The following ZMYM4 variants were observed in gnomAD, a reference collection of about 807,000 sequenced individuals.
ZMYM4 encodes zinc finger MYM-type containing 4.
A neutral mutation model predicts 183.2 loss-of-function variants in ZMYM4; 31 were observed. That is an observed-to-expected ratio of 0.17 (90% CI 0.13 to 0.23). The LOEUF is 0.23. Among genes scored for constraint, ZMYM4 ranks in the 10% least tolerant of loss-of-function variants. The pLI, the probability that ZMYM4 is intolerant of heterozygous loss-of-function variation, is 1.00. For missense variants in ZMYM4, 1,273 were observed against 1,840.3 expected (o/e 0.69, Z 5.64); for synonymous variants, 592 against 631.2 (o/e 0.94, Z 0.93).
At chr1:35,401,201 G>T (rs886456772) in intron 23 of ZMYM4, among the ~76,000 whole-genome samples, 2 of 152,212 alleles carry the variant, frequency 1.3e-5, no homozygotes, top group Admixed American at 1.3e-4. Context: ...TAAGAAAGCT[G>T]CCAGACTGTT....
At chr1:35,320,020 CAAAT>C (rs1468532294) in intron 1 of ZMYM4, among the ~76,000 whole-genome samples, 1 of 152,110 alleles carries the variant, frequency 6.6e-6, no homozygotes, top group African/African-American at 2.4e-5. Flanking sequence ...AAATACAGAA[CAAAT>C]AAAAATATCT....
At chr1:35,354,631 G>C (rs1643747312) in intron 2 of ZMYM4, among the ~76,000 whole-genome samples, 1 of 151,010 alleles carries the variant, frequency 6.6e-6, no homozygotes, top group African/African-American at 2.4e-5. Flanking sequence ...GGAGGCTGAG[G>C]CAGGAGAATC....
chr1:35,346,119 CTTTTT>C (rs1643382626), intron 2 of ZMYM4, among the ~76,000 whole-genome samples: 1 of 152,168 alleles, frequency 6.6e-6, no homozygotes, highest in Non-Finnish European at 1.5e-5. Flanking sequence ...GAATTCCTTT[CTTTTT>C]AAGGCTGAAT....
Position 35,381,314 on chromosome 1 carries a change from A to AAGG in ZMYM4, c.1237_1238insAGG (p.Ser413delinsLysGly), listed in dbSNP as rs1417164379. 58 of 1,613,320 alleles carry AAGG rather than the reference A, an allele frequency of 3.6e-5. No homozygotes were observed. Among genetic ancestry groups the AAGG allele is most frequent in the Non-Finnish European group, 4.7e-5 (55 of 1,179,658 alleles). On this transcript the variant is annotated protein_altering_variant, in exon 8 of 30. Coordinates refer to ENST00000314607, the MANE Select transcript of ZMYM4 (RefSeq NM_005095.3). ...TGCCCAGTTTGAAAACACCACCACTAGTAAAGATTTTTGCAGTCAGTCATG... is the reference window on the plus strand; with the variant it reads ...TGCCCAGTTTGAAAACACCACCACTAAGGGTAAAGATTTTTGCAGTCAGTCATG...
intron 13 of ZMYM4, 40 bp from the exon 14 acceptor site, chr1:35,388,870 A>G: frequency 1.9e-6 from 3 of 1,597,722 alleles, no homozygotes; most frequent in Non-Finnish European, 2.6e-6. Context: ...GAAAACTAAT[A>G]CTTCTACCTA....
At chr1:35,381,800 G>T in intron 9 of ZMYM4, 42 bp downstream of exon 9, 1 of 1,592,784 alleles carries the variant, frequency 6.3e-7, no homozygotes. Context: ...GTTCAGTTCA[G>T]GTAATCTGTA....
intron 1 of ZMYM4, among the ~76,000 whole-genome samples, chr1:35,309,291 A>T (rs1641686290): frequency 6.6e-6 from 1 of 152,200 alleles, no homozygotes; most frequent in South Asian, 2.1e-4. Flanking sequence ...TTTCTTTGAC[A>T]TAGACCGAAA....
At position 35,386,859 on chromosome 1, in the gene ZMYM4, A is replaced by T. The variant is rs111704945; in HGVS notation, c.1837-144A>T. On this transcript the variant is annotated intron_variant, in intron 11 of 29. Transcript: ENST00000314607. Reference sequence around the variant, plus strand: ...ATAAATGAGACTCCCCCCATTCCGTAATAAGCTGCTCAGAGGCAGGAACAT... The same window carrying T: ...ATAAATGAGACTCCCCCCATTCCGTTATAAGCTGCTCAGAGGCAGGAACAT... 6.0e-5 allele frequency: 49 copies of T among 816,334 alleles called. 2 individuals are homozygous for T. Among genetic ancestry groups the T allele is most frequent in the African/African-American group, 4.1e-4 (24 of 57,928 alleles). 50.6% of individuals were successfully genotyped at this position (816,334 alleles called of 1,614,324 possible).
intron 2 of ZMYM4, among the ~76,000 whole-genome samples, chr1:35,326,106 A>G (rs1642493067): frequency 6.6e-6 from 1 of 152,128 alleles, no homozygotes; most frequent in Non-Finnish European, 1.5e-5. Flanking sequence ...TGTTGTTGAT[A>G]TGTTCTTGGA....
In ZMYM4 at chr1:35,419,456, T is replaced by TC. The variant is rs778051094; in HGVS notation, c.4440-10dup. 57 of 1,601,950 alleles carry TC rather than the reference T, an allele frequency of 3.6e-5. No homozygotes were observed. Among genetic ancestry groups the TC allele is most frequent in the Non-Finnish European group, 4.3e-5 (50 of 1,175,252 alleles). ...ATTTTCTTTTTTCTCTTTTTTTTTT[T>TC]CCCCTGTGGATAGTTCTGAAAGTGT... On this transcript the variant is annotated splice_polypyrimidine_tract_variant and intron_variant, in intron 29 of 29. Transcript: ENST00000314607.
At chr1:35,273,721 T>C (rs1454902118) in intron 1 of ZMYM4, among the ~76,000 whole-genome samples, 3 of 152,202 alleles carry the variant, frequency 2.0e-5, no homozygotes, top group Non-Finnish European at 4.4e-5. Context: ...TTTGTGTCTG[T>C]ATATGCTTGT....
intron 7 of ZMYM4, among the ~76,000 whole-genome samples, chr1:35,374,215 G>A (rs1171901321): frequency 6.6e-6 from 1 of 151,238 alleles, no homozygotes; most frequent in African/African-American, 2.4e-5. Flanking sequence ...TGTATTTTTA[G>A]TAGAGATGGG....
In ZMYM4 at chr1:35,282,980, G is replaced by GTTTTT. The variant is rs775211352; in HGVS notation, c.39+13927_39+13931dup. Among the ~76,000 whole-genome samples, 66 of 26,260 alleles carry GTTTTT rather than the reference G, an allele frequency of 2.5e-3. 29 individuals are homozygous for GTTTTT. The highest frequency in any genetic ancestry group is 5.8e-3 in the Non-Finnish European group (50 of 8,634). The allele number at this position is 26,260 out of a possible 152,430, so 17.2% of individuals were successfully genotyped here. ...ATACTTGTTGTTTTCTGTGTGTGTG[G>GTTTTT]TTTTTTTTTTTTTTTTTTTTTTTTT... On this transcript the variant is annotated intron_variant, in intron 1 of 29. Coordinates refer to ENST00000314607, the MANE Select transcript of ZMYM4 (RefSeq NM_005095.3).
chr1:35,297,142 G>A lies in ZMYM4; in HGVS notation c.39+28057G>A, dbSNP rs146011791. On this transcript the variant is annotated intron_variant, in intron 1 of 29. Coordinates refer to ENST00000314607, the MANE Select transcript of ZMYM4 (RefSeq NM_005095.3). ...TGGGATTACAAGCGTGAGGCACCGC[G>A]CCCAGCCTGCTCTTACTTTTTCTTT... is the stretch of plus-strand genomic sequence containing the variant. Among the ~76,000 whole-genome samples, 102 of 152,032 alleles carry A rather than the reference G, an allele frequency of 6.7e-4. 1 individual carries two copies. The highest frequency in any genetic ancestry group is 2.2e-3 in the African/African-American group (93 of 41,514).
Position 35,334,258 on chromosome 1 carries a change from A to G in ZMYM4, c.85+8853A>G, listed in dbSNP as rs566581384. 9.2e-5 allele frequency among the ~76,000 whole-genome samples: 14 copies of G among 152,272 alleles called. No homozygotes were observed. The South Asian group carries it at 1.2e-3, about 14-fold the overall frequency. ...TGCTTGAGCCCGGGAGTTCGAGGCTATAGTGAACTATGATTATGCCACTGC... is the reference window on the plus strand; with the variant it reads ...TGCTTGAGCCCGGGAGTTCGAGGCTGTAGTGAACTATGATTATGCCACTGC... On this transcript the variant is annotated intron_variant, in intron 2 of 29. Coordinates refer to ENST00000314607, the MANE Select transcript of ZMYM4 (RefSeq NM_005095.3).
At chr1:35,368,061 G>GGCCCCCACCCC (rs1558095413) in intron 5 of ZMYM4, among the ~76,000 whole-genome samples, 1 of 98,288 alleles carries the variant, frequency 1.0e-5, no homozygotes, top group Non-Finnish European at 2.0e-5. Context: ...CAAATCCAGC[G>GGCCCCCACCCC]CCCCCCCCCC....
At chr1:35,282,426 T>C (rs116667007) in intron 1 of ZMYM4, among the ~76,000 whole-genome samples, 1,831 of 152,354 alleles carry the variant, frequency 0.012, 40 homozygotes, top group African/African-American at 0.042. Flanking sequence ...GTGAGCTACA[T>C]AAACCTCTTT....
At chr1:35,387,702 T>C (rs2148981949) in intron 13 of ZMYM4, 98 bp downstream of exon 13, 1 of 1,315,958 alleles carries the variant, frequency 7.6e-7, no homozygotes, top group South Asian at 1.6e-5. Context: ...ATCTGTTTTA[T>C]TGTTTATGTA....
intron 2 of ZMYM4, among the ~76,000 whole-genome samples, chr1:35,347,193 G>A (rs1643429456): frequency 6.6e-6 from 1 of 152,186 alleles, no homozygotes; most frequent in Non-Finnish European, 1.5e-5. Context: ...TTTTAGTAGA[G>A]ACAGGGTTTC....
Sources: gnomAD v4.1 joint callset for allele counts (sites outside exome capture counted in the v4.1 genomes callset) on GRCh38, gnomAD v4.1.1 for gene constraint, MANE v1.5 for transcripts, NCBI Gene and HGNC (gene_info 2026-07-23, HGNC 2026-07-21) for gene names.